Variants in PPP1R3A observed in about 807,000 individuals in gnomAD.
The protein encoded by PPP1R3A is RG1.
In PPP1R3A, 29 loss-of-function variants were observed where a neutral mutation model predicts 41.7. That is an observed-to-expected ratio of 0.70 (90% CI 0.52 to 0.95). The LOEUF (loss-of-function observed/expected upper bound fraction) is 0.95, where lower values mean the gene tolerates loss of function less well. Among genes scored for constraint, PPP1R3A ranks in the 40% least tolerant of loss-of-function variants. The pLI, the probability that PPP1R3A is intolerant of heterozygous loss-of-function variation, is 0.00. For synonymous variants in PPP1R3A, 485 were observed against 453.4 expected (o/e 1.07, Z -0.89); for missense variants, 1,352 against 1,292.4 (o/e 1.05, Z -0.71).
At chr7:113,906,395 G>A (rs899879774) in intron 1 of PPP1R3A, among the ~76,000 whole-genome samples, 2 of 151,706 alleles carry the variant, frequency 1.3e-5, no homozygotes, top group Non-Finnish European at 2.9e-5. Flanking sequence ...ATATAATATG[G>A]ATGTAGAATA....
chr7:113,902,258 T>G (rs1797075046), intron 1 of PPP1R3A, among the ~76,000 whole-genome samples: 1 of 151,736 alleles, frequency 6.6e-6, no homozygotes, highest in Non-Finnish European at 1.5e-5. Flanking sequence ...CTCCCAAGTA[T>G]ATGGGACTAT....
intron 1 of PPP1R3A, among the ~76,000 whole-genome samples, chr7:113,907,270 G>A (rs1248420388): frequency 4.6e-5 from 7 of 151,568 alleles, no homozygotes; most frequent in South Asian, 2.1e-4. Flanking sequence ...TCATAAACTC[G>A]GAGGAACTTT....
intron 1 of PPP1R3A, among the ~76,000 whole-genome samples, chr7:113,911,646 C>T (rs896042741): frequency 3.3e-5 from 5 of 151,970 alleles, no homozygotes; most frequent in Non-Finnish European, 7.4e-5. Flanking sequence ...GTGTGTGACC[C>T]AGAAGTTGCT....
At chr7:113,904,334 A>C (rs1797111927) in intron 1 of PPP1R3A, among the ~76,000 whole-genome samples, 1 of 151,680 alleles carries the variant, frequency 6.6e-6, no homozygotes, top group Admixed American at 6.6e-5. Flanking sequence ...ATTTCTTCTT[A>C]TGTGAAATGG....
intron 1 of PPP1R3A, among the ~76,000 whole-genome samples, chr7:113,911,338 G>A (rs1464168296): frequency 3.3e-5 from 5 of 152,108 alleles, no homozygotes; most frequent in Non-Finnish European, 5.9e-5. Context: ...AAAGATTTGA[G>A]AGATAATACT....
At chr7:113,907,694 G>A (rs1797169419) in intron 1 of PPP1R3A, among the ~76,000 whole-genome samples, 1 of 151,498 alleles carries the variant, frequency 6.6e-6, no homozygotes, top group South Asian at 2.1e-4. Flanking sequence ...CTTTTCACAA[G>A]GGAATAAAAC....
chr7:113,902,687 T>C (rs948194370), intron 1 of PPP1R3A, among the ~76,000 whole-genome samples: 1 of 151,858 alleles, frequency 6.6e-6, no homozygotes, highest in Non-Finnish European at 1.5e-5. Flanking sequence ...GATCAATTGT[T>C]ACCTTCTCGA....
chr7:113,877,005 TAA>T lies in PPP1R3A; in HGVS notation c.*716_*717del, dbSNP rs1442786527. The T allele has an allele frequency of 6.6e-6, 1 of 151,952 alleles. No homozygotes were observed. The allele number at this position is 151,952 out of a possible 1,614,324, so 9.4% of individuals were successfully genotyped here. ...TCCCTCACAAGAGAAAAGCATTGCT[TAA>T]AGACAGGCCACCCACAGAATTTTTC... On this transcript the variant is annotated 3_prime_UTR_variant, in exon 4 of 4. Transcript: ENST00000284601.
chr7:113,914,241 CTTAT>C lies in PPP1R3A; in HGVS notation c.782+3970_782+3973del, dbSNP rs547620624. ...CAATGTGACACTAGACATCATGACC[CTTAT>C]TTGACAGGTGAATAAACTGAGGCTT... On this transcript the variant is annotated intron_variant, in intron 1 of 3. Transcript: ENST00000284601. Among the ~76,000 whole-genome samples, 807 of 152,174 alleles carry C rather than the reference CTTAT, an allele frequency of 5.3e-3. 6 individuals are homozygous for C. The highest frequency in any genetic ancestry group is 6.7e-3 in the Non-Finnish European group (457 of 67,976).
chr7:113,891,846 C>T (rs111278939), intron 1 of PPP1R3A, among the ~76,000 whole-genome samples: 20 of 151,964 alleles, frequency 1.3e-4, no homozygotes, highest in Admixed American at 2.6e-4. Context: ...CGAGCAAAAC[C>T]TCTTAAAGAT....
Position 113,886,537 on chromosome 7 carries a change from T to A in PPP1R3A, c.783-4217A>T, listed in dbSNP as rs576716704. On this transcript the variant is annotated intron_variant, in intron 1 of 3. Transcript: ENST00000284601. The stretch of plus-strand genomic sequence containing the variant: ...TTGCCCAGTCTTGGGTATGTCTTTA[T>A]CAGCAAAATGAAAATAGACTAATAC... Among the ~76,000 whole-genome samples, 19 of 152,228 alleles carry A rather than the reference T, an allele frequency of 1.2e-4. No homozygotes were observed. In the South Asian group the frequency reaches 3.9e-3, roughly 32 times the overall value.
intron 3 of PPP1R3A, among the ~76,000 whole-genome samples, chr7:113,880,401 C>G (rs1796672175): frequency 6.6e-6 from 1 of 152,012 alleles, no homozygotes; most frequent in African/African-American, 2.4e-5. Flanking sequence ...ACTGTTCTTG[C>G]TTGTCATTGC....
At chr7:113,902,008 C>A (rs1002709589) in intron 1 of PPP1R3A, among the ~76,000 whole-genome samples, 15 of 151,942 alleles carry the variant, frequency 9.9e-5, no homozygotes, top group African/African-American at 3.6e-4. Context: ...TTTTAGAAAA[C>A]AAGAAGCATG....
intron 1 of PPP1R3A, 59 bp downstream of exon 1, chr7:113,918,156 A>G (rs1228979303): frequency 1.4e-6 from 2 of 1,455,232 alleles, no homozygotes; most frequent in Non-Finnish European, 1.9e-6. Flanking sequence ...ACATGAAATA[A>G]AGAATGACAT....
chr7:113,878,419 T>C lies in PPP1R3A; in HGVS notation c.2673A>G (p.Lys891=). ...AATGCACAATGGCATCCGAGTCTGT[T>C]TTCTTTGATAATTCTTGAACCTGCC... The part of the protein sequence containing the change: ...DLRQVQELSK[K]TDSDAIVHSA... The change falls in exon 4 of 4, where the codon AAA becomes AAG. Residue 891 remains lysine (K), a synonymous_variant. Coordinates refer to ENST00000284601, the MANE Select transcript of PPP1R3A (RefSeq NM_002711.4). 1 of 1,611,882 alleles carries C rather than the reference T, an allele frequency of 6.2e-7. No individual in the cohort carries two copies. The highest frequency in any genetic ancestry group is 2.2e-5 in the East Asian group (1 of 44,820).
At chr7:113,888,591 T>C (rs546022494) in intron 1 of PPP1R3A, among the ~76,000 whole-genome samples, 1 of 152,264 alleles carries the variant, frequency 6.6e-6, no homozygotes, top group South Asian at 2.1e-4. Context: ...CAGCAAGGTC[T>C]TGAATTAGTC....
chr7:113,898,698 C>A (rs1042277989), intron 1 of PPP1R3A, among the ~76,000 whole-genome samples: 7 of 151,740 alleles, frequency 4.6e-5, no homozygotes, highest in African/African-American at 1.7e-4. Flanking sequence ...ATACTAACAT[C>A]TTTTCTAAAG....
rs1296653357 is a variant in PPP1R3A, at chr7:113,918,644, T to G, written c.353A>C (p.Asp118Ala). 1 of 1,613,522 alleles carries G rather than the reference T, an allele frequency of 6.2e-7. No homozygotes were observed. Among genetic ancestry groups the G allele is most frequent in the East Asian group, 2.2e-5 (1 of 44,854 alleles). ...CTGTATTTGGAGTTGTTGCATAAGA[T>G]CTTCTTTTGAAGAAGGCAAGTCAAA... The part of the protein sequence containing the change: ...PLFDLPSSKE[D>A]LMQQLQIQKA... The change falls in exon 1 of 4, where the codon GAT becomes GCT. Residue 118 changes from aspartate (D) to alanine (A), a missense_variant. By Grantham distance (126) the Asp-to-Ala change is moderately radical (BLOSUM62 -2). Transcript: ENST00000284601.
intron 1 of PPP1R3A, among the ~76,000 whole-genome samples, chr7:113,895,392 C>CCAAAG (rs1796960842): frequency 6.6e-6 from 1 of 151,740 alleles, no homozygotes; most frequent in African/African-American, 2.4e-5. Context: ...TTAAAGCATG[C>CCAAAG]CAAAGCAAGT....
Sources: gnomAD v4.1 joint callset for allele counts (sites outside exome capture counted in the v4.1 genomes callset) on GRCh38, gnomAD v4.1.1 for gene constraint, MANE v1.5 for transcripts, NCBI Gene and HGNC (gene_info 2026-07-23, HGNC 2026-07-21) for gene names.